Variants in CCDC171 observed in about 807,000 individuals in gnomAD.
CCDC171 encodes the protein coiled-coil domain containing 171.
A neutral mutation model predicts 168.2 loss-of-function variants in CCDC171; 177 were observed. The observed-to-expected ratio is 1.05, with a 90% confidence interval of 0.93 to 1.19. The LOEUF is 1.19. CCDC171 is among the 50% of genes most tolerant of loss of function. The pLI, the probability that CCDC171 is intolerant of heterozygous loss-of-function variation, is 0.00. For missense variants in CCDC171, 1,991 were observed against 1,539.0 expected, an observed-to-expected ratio of 1.29 and a Z score of -4.91; for synonymous variants, 687 against 540.8, an observed-to-expected ratio of 1.27 and a Z score of -3.75.
intron 1 of CCDC171, among the ~76,000 whole-genome samples, chr9:15,560,153 C>A (rs143072953): frequency 6.6e-6 from 1 of 152,024 alleles, no homozygotes; most frequent in South Asian, 2.1e-4. Context: ...TTCTGGCTGC[C>A]CTTAATATTT....
intron 3 of CCDC171, among the ~76,000 whole-genome samples, chr9:16,016,715 C>T (rs1833032153): frequency 6.6e-6 from 1 of 152,160 alleles, no homozygotes; most frequent in Non-Finnish European, 1.5e-5. Context: ...CTTGGGTCTG[C>T]AGAGACATTT....
chr9:15,934,389 CAA>C (rs71304892), intron 25 of CCDC171, among the ~76,000 whole-genome samples: 75 of 114,254 alleles, frequency 6.6e-4, no homozygotes, highest in East Asian at 2.6e-3. Flanking sequence ...GACCCTGTCT[CAA>C]AAAAAAAAAA....
chr9:15,876,350 AC>A (rs1318048527), intron 24 of CCDC171, among the ~76,000 whole-genome samples: 1 of 152,096 alleles, frequency 6.6e-6, no homozygotes, highest in Non-Finnish European at 1.5e-5. Flanking sequence ...CGAACACTTA[AC>A]TATGTACCAG....
the CCDC171 span, among the ~76,000 whole-genome samples, chr9:16,105,396 G>A: frequency 1.1e-3 from 171 of 152,254 alleles, no homozygotes; most frequent in African/African-American, 4.1e-3. Context: ...GCTGTTCCAT[G>A]TGTCACTTGG....
chr9:15,559,984 C>G (rs1366049721), intron 1 of CCDC171, among the ~76,000 whole-genome samples: 4 of 152,052 alleles, frequency 2.6e-5, no homozygotes, highest in Middle Eastern at 3.2e-3. Context: ...TTCTCCTTCA[C>G]TTATGAAGCT....
intron 25 of CCDC171, among the ~76,000 whole-genome samples, chr9:15,943,624 G>C (rs1827967166): frequency 6.6e-6 from 1 of 151,968 alleles, no homozygotes; most frequent in African/African-American, 2.4e-5. Context: ...TCATTGCCAA[G>C]TGCCCAACGA....
At chr9:15,657,069 A>T in intron 7 of CCDC171, 58 bp from the exon 8 acceptor site, 1 of 946,216 alleles carries the variant, frequency 1.1e-6, no homozygotes, top group Non-Finnish European at 1.6e-6. Context: ...GACTGTAGTG[A>T]TCCATATCTT....
chr9:15,638,058 A>G (rs1283422741), intron 7 of CCDC171, among the ~76,000 whole-genome samples: 2 of 152,184 alleles, frequency 1.3e-5, no homozygotes, highest in African/African-American at 4.8e-5. Flanking sequence ...GACTTCCACA[A>G]TATTTTTACT....
At chr9:15,916,312 A>C (rs1363263715) in intron 24 of CCDC171, among the ~76,000 whole-genome samples, 1 of 151,968 alleles carries the variant, frequency 6.6e-6, no homozygotes, top group East Asian at 1.9e-4. Flanking sequence ...TAATTTCTAT[A>C]AAATGTTATA....
intron 6 of CCDC171, among the ~76,000 whole-genome samples, chr9:15,618,692 G>A (rs2044275690): frequency 6.6e-6 from 1 of 152,156 alleles, no homozygotes; most frequent in Non-Finnish European, 1.5e-5. Flanking sequence ...AAAAATCCAT[G>A]GGAAAAGCGT....
chr9:15,886,939 TACTC>T (rs1440749786), intron 24 of CCDC171: 2 of 152,096 alleles, frequency 1.3e-5, no homozygotes, highest in Admixed American at 6.6e-5. Flanking sequence ...TTAAAAATCT[TACTC>T]ACAGAAACAG....
intron 24 of CCDC171, among the ~76,000 whole-genome samples, chr9:15,904,599 A>T (rs1034402369): frequency 3.3e-5 from 5 of 152,238 alleles, no homozygotes; most frequent in Non-Finnish European, 7.3e-5. Flanking sequence ...CGAGGCTAGG[A>T]AAAACTGCAT....
intron 21 of CCDC171, among the ~76,000 whole-genome samples, chr9:15,822,946 C>A (rs1461549561): frequency 6.6e-6 from 1 of 152,080 alleles, no homozygotes; most frequent in Non-Finnish European, 1.5e-5. Flanking sequence ...AAATGTCCAA[C>A]AATGATAGAC....
chr9:15,950,177 T>G (rs1589223326), intron 25 of CCDC171, among the ~76,000 whole-genome samples: 1 of 152,026 alleles, frequency 6.6e-6, no homozygotes, highest in South Asian at 2.1e-4. Context: ...ACGGGGAGAA[T>G]GGAACCAAGT....
intron 10 of CCDC171, among the ~76,000 whole-genome samples, chr9:15,694,232 A>T (rs2051040904): frequency 6.6e-6 from 1 of 152,092 alleles, no homozygotes; most frequent in South Asian, 2.1e-4. Flanking sequence ...ATTTCCCATC[A>T]AACACTTTAA....
intron 16 of CCDC171, among the ~76,000 whole-genome samples, chr9:15,730,185 A>G (rs1414529398): frequency 6.6e-6 from 1 of 151,636 alleles, no homozygotes; most frequent in Non-Finnish European, 1.5e-5. Context: ...GGAGGTTCCT[A>G]TGTGAACCAT....
intron 24 of CCDC171, among the ~76,000 whole-genome samples, chr9:15,897,654 A>G (rs1002025109): frequency 6.6e-6 from 1 of 152,172 alleles, no homozygotes; most frequent in Non-Finnish European, 1.5e-5. Flanking sequence ...AAAATTCAAA[A>G]GGGGTTTGCT....
At chr9:16,078,055 A>AAC in the CCDC171 span, among the ~76,000 whole-genome samples, 5,484 of 143,792 alleles carry the variant, frequency 0.038, 108 homozygotes, top group Middle Eastern at 0.083. Flanking sequence ...CACCCATGCA[A>AAC]ACACACACAC....
intron 3 of CCDC171, among the ~76,000 whole-genome samples, chr9:15,990,531 G>C (rs375372780): frequency 1.3e-5 from 2 of 152,090 alleles, no homozygotes; most frequent in African/African-American, 2.4e-5. Context: ...CGAGCAAAAT[G>C]ACCAGCTAAC....
Sources: gnomAD v4.1 joint callset for allele counts (sites outside exome capture counted in the v4.1 genomes callset) on GRCh38, gnomAD v4.1.1 for gene constraint, MANE v1.5 for transcripts, NCBI Gene and HGNC (gene_info 2026-07-23, HGNC 2026-07-21) for gene names.